Variants in ZBTB7C observed in about 807,000 individuals in gnomAD.
ZBTB7C encodes zinc finger and BTB domain containing 7C, also known as zinc finger and BTB domain-containing protein 7C.
Under a neutral mutation model 25.7 loss-of-function variants are expected in ZBTB7C, and 8 were observed. That is an observed-to-expected ratio of 0.31 (90% CI 0.18 to 0.56). The LOEUF (loss-of-function observed/expected upper bound fraction) is 0.56. ZBTB7C is among the 20% of genes least tolerant of loss of function. The pLI is 0.91. For synonymous variants in ZBTB7C, 394 were observed against 369.0 expected (o/e 1.07, Z -0.78); for missense variants, 824 against 855.2 (o/e 0.96, Z 0.46).
chr18:48,196,670 A>C (rs1255970399), intron 2 of ZBTB7C, among the ~76,000 whole-genome samples: 1 of 152,036 alleles, frequency 6.6e-6, no homozygotes, highest in Non-Finnish European at 1.5e-5. Context: ...CTCCTCTTTT[A>C]ACTTCCCTTC....
intron 1 of ZBTB7C, among the ~76,000 whole-genome samples, chr18:48,360,809 A>C (rs4335832): frequency 0.42 from 63,697 of 151,886 alleles, 14,604 homozygotes; most frequent in East Asian, 0.88. Flanking sequence ...GACCCCAGGT[A>C]GATAAGATGC....
chr18:48,052,145 T>C (rs1264067180), intron 3 of ZBTB7C, among the ~76,000 whole-genome samples: 6 of 152,240 alleles, frequency 3.9e-5, no homozygotes, highest in Non-Finnish European at 7.3e-5. Flanking sequence ...CTGAGTTTCA[T>C]ACTCCCAATG....
intron 3 of ZBTB7C, among the ~76,000 whole-genome samples, chr18:48,183,745 G>A (rs1247737091): frequency 6.6e-6 from 1 of 152,190 alleles, no homozygotes; most frequent in Admixed American, 6.5e-5. Flanking sequence ...CTTGGTTGAG[G>A]TGATGCCTTG....
At chr18:48,202,352 G>C (rs548203867) in intron 2 of ZBTB7C, among the ~76,000 whole-genome samples, 7 of 152,180 alleles carry the variant, frequency 4.6e-5, no homozygotes, top group African/African-American at 1.7e-4. Flanking sequence ...CGAGGGATTA[G>C]AGATGGAACT....
chr18:48,296,142 C>T (rs2045382738), intron 2 of ZBTB7C, among the ~76,000 whole-genome samples: 1 of 152,194 alleles, frequency 6.6e-6, no homozygotes, highest in Non-Finnish European at 1.5e-5. Context: ...TGCCCATGCG[C>T]CTTGGTCTCA....
At position 48,097,806 on chromosome 18, in the gene ZBTB7C, C is replaced by T. The variant is rs184923607; in HGVS notation, c.-16-56683G>A. Among the ~76,000 whole-genome samples the T allele has an allele frequency of 1.4e-4, 22 of 152,274 alleles. No homozygotes were observed. The East Asian group carries it at 4.2e-3, about 29-fold the overall frequency. The stretch of plus-strand genomic sequence containing the variant: ...TTCTGCTTTTAAGACCTGTAACAAA[C>T]CTTTGTATCCTCATAATAAATGGTA... On this transcript the variant is annotated intron_variant, in intron 3 of 4. Transcript: ENST00000590800.
intron 1 of ZBTB7C, among the ~76,000 whole-genome samples, chr18:48,384,943 A>C (rs2047712965): frequency 6.6e-6 from 1 of 152,206 alleles, no homozygotes; most frequent in South Asian, 2.1e-4. Flanking sequence ...CAGCCTCCCA[A>C]AGTGCTGGGA....
chr18:48,197,879 C>G (rs2042352957), intron 2 of ZBTB7C, among the ~76,000 whole-genome samples: 1 of 152,202 alleles, frequency 6.6e-6, no homozygotes, highest in South Asian at 2.1e-4. Context: ...TAGCACATTT[C>G]TAGATTTCCT....
chr18:48,086,128 T>C (rs868741462), intron 3 of ZBTB7C, among the ~76,000 whole-genome samples: 2 of 152,234 alleles, frequency 1.3e-5, no homozygotes, highest in African/African-American at 2.4e-5. Flanking sequence ...GCATTCATTC[T>C]GCCCCTGCCT....
At chr18:48,391,472 G>A (rs1029382196) in intron 1 of ZBTB7C, among the ~76,000 whole-genome samples, 1 of 152,160 alleles carries the variant, frequency 6.6e-6, no homozygotes, top group African/African-American at 2.4e-5. Context: ...GGAGTTCATT[G>A]AATGTTTGAT....
chr18:48,069,367 T>C (rs970855573), intron 3 of ZBTB7C, among the ~76,000 whole-genome samples: 3 of 152,228 alleles, frequency 2.0e-5, no homozygotes, highest in Admixed American at 6.5e-5. Context: ...TTCTCTTCCC[T>C]CTGCGGTCTC....
At chr18:48,178,643 C>A (rs1283150518) in intron 3 of ZBTB7C, among the ~76,000 whole-genome samples, 1 of 152,176 alleles carries the variant, frequency 6.6e-6, no homozygotes, top group African/African-American at 2.4e-5. Context: ...ATTATTCATT[C>A]TATTAAAATC....
intron 3 of ZBTB7C, among the ~76,000 whole-genome samples, chr18:48,165,803 T>C (rs1157429890): frequency 2.0e-5 from 3 of 152,230 alleles, no homozygotes; most frequent in Non-Finnish European, 4.4e-5. Flanking sequence ...CACAGCTCTG[T>C]GACCAGCACA....
At chr18:48,382,549 C>T (rs531939052) in intron 1 of ZBTB7C, among the ~76,000 whole-genome samples, 12 of 152,298 alleles carry the variant, frequency 7.9e-5, no homozygotes, top group African/African-American at 2.2e-4. Context: ...TCCTCGGTGA[C>T]GACACTCCTT....
chr18:48,367,742 G>A (rs2047280025), intron 1 of ZBTB7C, among the ~76,000 whole-genome samples: 1 of 152,036 alleles, frequency 6.6e-6, no homozygotes, highest in Admixed American at 6.5e-5. Flanking sequence ...CTGCTGGGAT[G>A]GTGTCAGAGG....
chr18:48,033,013 A>G (rs1046651579), intron 4 of ZBTB7C, among the ~76,000 whole-genome samples: 1 of 152,162 alleles, frequency 6.6e-6, no homozygotes, highest in Non-Finnish European at 1.5e-5. Context: ...GGCATATGGT[A>G]TAGAGGTAGG....
chr18:48,251,685 C>A (rs552739433), intron 2 of ZBTB7C, among the ~76,000 whole-genome samples: 19 of 152,288 alleles, frequency 1.2e-4, no homozygotes, highest in South Asian at 8.3e-4. Flanking sequence ...GGTAGAGAAC[C>A]CAATCTGCAT....
intron 2 of ZBTB7C, among the ~76,000 whole-genome samples, chr18:48,310,252 T>C (rs1391223055): frequency 1.3e-5 from 2 of 152,004 alleles, no homozygotes; most frequent in Non-Finnish European, 2.9e-5. Context: ...AATTGGTTCC[T>C]ATTTTTCATT....
At chr18:48,138,629 C>T (rs1334546235) in intron 3 of ZBTB7C, among the ~76,000 whole-genome samples, 1 of 151,984 alleles carries the variant, frequency 6.6e-6, no homozygotes, top group Admixed American at 6.6e-5. Flanking sequence ...GAATTGGGTG[C>T]TGAAGGGAAG....
Sources: allele counts gnomAD v4.1 joint callset (sites outside exome capture counted in the v4.1 genomes callset), GRCh38; gene constraint gnomAD v4.1.1; transcripts MANE v1.5; gene names NCBI Gene and HGNC (gene_info 2026-07-23, HGNC 2026-07-21).